The following SHROOM2 variants were observed in gnomAD, a reference collection of about 807,000 sequenced individuals.
SHROOM2 encodes the protein shroom family member 2.
A neutral mutation model predicts 75.9 loss-of-function variants in SHROOM2; 33 were observed. The observed-to-expected ratio is 0.43, with a 90% CI of 0.33 to 0.58. The LOEUF is 0.58. Ranked by LOEUF, SHROOM2 falls within the 20% of genes least tolerant of loss-of-function variation. The pLI is 0.04. For synonymous variants in SHROOM2, 655 were observed against 663.6 expected, an observed-to-expected ratio of 0.99 and a Z score of 0.20; for missense variants, 1,434 against 1,461.2, an observed-to-expected ratio of 0.98 and a Z score of 0.30.
intron 5 of SHROOM2, among the ~76,000 whole-genome samples, chrX:9,902,291 A>G (rs908328956): frequency 9.2e-6 from 1 of 108,943 alleles, no homozygotes; most frequent in Non-Finnish European, 1.9e-5. Flanking sequence ...GGGTGGATAG[A>G]TGGATGGATA....
Position 9,907,499 on chromosome X carries a change from T to C in SHROOM2, c.2891+9209T>C, listed in dbSNP as rs368739569. Among the ~76,000 whole-genome samples the C allele has an allele frequency of 1.1e-4, 12 of 111,350 alleles. No homozygotes were observed. The South Asian group carries it at 3.8e-3, about 36-fold the overall frequency. On this transcript the variant is annotated intron_variant, in intron 5 of 9. Transcript: ENST00000380913. The stretch of plus-strand genomic sequence containing the variant: ...TCTGCAGAGTTTGGGTTTCATGGTT[T>C]GTGCGACACTCTCAAGCAGCTCACC...
intron 5 of SHROOM2, among the ~76,000 whole-genome samples, chrX:9,909,148 G>A (rs1267490860): frequency 1.8e-5 from 2 of 110,001 alleles, no homozygotes; most frequent in South Asian, 3.9e-4. Context: ...CAGAAAATAA[G>A]CGCTCAAATA....
chrX:9,807,439 C>A (rs770113991), intron 1 of SHROOM2, among the ~76,000 whole-genome samples: 1 of 111,814 alleles, frequency 8.9e-6, no homozygotes, highest in Non-Finnish European at 1.9e-5. Flanking sequence ...GTTGGGAGGC[C>A]GGCAGCCCTG....
intron 2 of SHROOM2, among the ~76,000 whole-genome samples, chrX:9,875,080 C>CAAAAAAAAAA (rs375824306): frequency 0.012 from 145 of 12,332 alleles, 28 homozygotes; most frequent in Middle Eastern, 0.11. Flanking sequence ...GACCCTGTCT[C>CAAAAAAAAAA]AAAAAAAAAA....
rs760533047 is a variant in SHROOM2 at position 9,894,841 on chromosome X, A to G, written c.933A>G (p.Pro311=). The part of the protein sequence containing the change: ...VWYVPDKKKA[P]SSPPPPPPPL... ...ATGTTCCCGATAAGAAGAAAGCACC[A>G]TCATCCCCACCTCCTCCCCCTCCCC... Residue 311 remains proline, a synonymous_variant, in exon 4 of 10, where the codon CCA becomes CCG. Transcript: ENST00000380913. The G allele has an allele frequency of 3.3e-5, 40 of 1,209,946 alleles. No individual in the cohort carries two copies. The highest frequency in any genetic ancestry group is 3.9e-5 in the Non-Finnish European group (35 of 895,021).
At chrX:9,787,272 T>A (rs1390934469) in intron 1 of SHROOM2, among the ~76,000 whole-genome samples, 2 of 112,363 alleles carry the variant, frequency 1.8e-5, no homozygotes, top group African/African-American at 6.5e-5. Context: ...GAAAGCCTGC[T>A]TCCTAAGAGC....
chrX:9,855,726 C>G (rs920543139), intron 1 of SHROOM2, among the ~76,000 whole-genome samples: 8 of 111,903 alleles, frequency 7.1e-5, no homozygotes, highest in African/African-American at 2.6e-4. Flanking sequence ...CCATCCTTGA[C>G]TTGTACGACC....
intron 8 of SHROOM2, among the ~76,000 whole-genome samples, chrX:9,941,396 G>A (rs1211557508): frequency 8.9e-6 from 1 of 112,395 alleles, no homozygotes; most frequent in Non-Finnish European, 1.9e-5. Context: ...ACCCTGGGTG[G>A]TGTGGACAGC....
At chrX:9,883,039 A>G (rs1293151508) in intron 2 of SHROOM2, among the ~76,000 whole-genome samples, 3 of 112,260 alleles carry the variant, frequency 2.7e-5, no homozygotes, top group Non-Finnish European at 5.6e-5. Context: ...CTTATAGAAA[A>G]TACATGCAGA....
intron 1 of SHROOM2, among the ~76,000 whole-genome samples, chrX:9,836,948 C>T (rs2083949306): frequency 8.9e-6 from 1 of 112,364 alleles, no homozygotes; most frequent in Non-Finnish European, 1.9e-5. Context: ...TTGGACACTC[C>T]CTGTACATGG....
chrX:9,812,454 C>T (rs2083796906), intron 1 of SHROOM2, among the ~76,000 whole-genome samples: 1 of 112,364 alleles, frequency 8.9e-6, no homozygotes, highest in Non-Finnish European at 1.9e-5. Context: ...GTTGTTGTGC[C>T]TCTTTCTTGC....
chrX:9,834,962 A>G (rs888681371), intron 1 of SHROOM2, among the ~76,000 whole-genome samples: 3 of 112,870 alleles, frequency 2.7e-5, no homozygotes, highest in Admixed American at 1.9e-4. Context: ...GTGGCGCTCC[A>G]TCAGGAGGTG....
At chrX:9,807,390 A>C (rs970861721) in intron 1 of SHROOM2, among the ~76,000 whole-genome samples, 12 of 112,201 alleles carry the variant, frequency 1.1e-4, no homozygotes, top group Non-Finnish European at 1.9e-4. Flanking sequence ...AGCAGGTTGC[A>C]CAGGGGGCTG....
At chrX:9,830,817 T>C (rs1462806945) in intron 1 of SHROOM2, among the ~76,000 whole-genome samples, 1 of 110,312 alleles carries the variant, frequency 9.1e-6, no homozygotes, top group Non-Finnish European at 1.9e-5. Context: ...TTGGTCAGGC[T>C]GGTCACGAAC....
At chrX:9,874,913 TC>T (rs2084189901) in intron 2 of SHROOM2, among the ~76,000 whole-genome samples, 2 of 104,761 alleles carry the variant, frequency 1.9e-5, no homozygotes, top group East Asian at 6.0e-4. Flanking sequence ...CATCTCTCTC[TC>T]AAAAAATTTT....
At chrX:9,842,181 A>AT (rs199641131) in intron 1 of SHROOM2, among the ~76,000 whole-genome samples, 2,401 of 112,466 alleles carry the variant, frequency 0.021, 47 homozygotes, top group East Asian at 0.078. Context: ...ACTTCCTGAG[A>AT]TTCATTTCTT....
intron 8 of SHROOM2, among the ~76,000 whole-genome samples, chrX:9,940,466 A>T (rs535441486): frequency 2.5e-4 from 28 of 111,911 alleles, no homozygotes; most frequent in African/African-American, 8.4e-4. Flanking sequence ...GCCTCACCAG[A>T]AGTGTGGCTC....
intron 1 of SHROOM2, among the ~76,000 whole-genome samples, chrX:9,861,173 CTGT>C (rs778987150): frequency 4.5e-4 from 50 of 111,826 alleles, no homozygotes; most frequent in Admixed American, 1.0e-3. Context: ...TTTGTTGATG[CTGT>C]TGTTGTTAGA....
Position 9,932,171 on chromosome X carries a change from C to G in SHROOM2, c.2892-4C>G, listed in dbSNP as rs1444796651. ...TGATTAATTTGTACTTGTTCTTCCT[C>G]TAGACAAGCAGATGCCCAGTGTCGG... On this transcript the variant is annotated splice_region_variant and splice_polypyrimidine_tract_variant and intron_variant, in intron 5 of 9. Coordinates refer to ENST00000380913, the MANE Select transcript of SHROOM2 (RefSeq NM_001649.4). 1 of 1,128,174 alleles carries G rather than the reference C, an allele frequency of 8.9e-7. No individual in the cohort carries two copies. The highest frequency in any genetic ancestry group is 1.9e-5 in the African/African-American group (1 of 53,660). 93.0% of individuals were successfully genotyped at this position (1,128,174 alleles called of 1,213,427 possible).
Sources: gnomAD v4.1 joint callset for allele counts (sites outside exome capture counted in the v4.1 genomes callset) on GRCh38, gnomAD v4.1.1 for gene constraint, MANE v1.5 for transcripts, NCBI Gene and HGNC (gene_info 2026-07-23, HGNC 2026-07-21) for gene names.